Variants in ITPR2 observed in about 807,000 individuals in gnomAD.
ITPR2 encodes inositol 1,4,5-trisphosphate receptor type 2.
ITPR2 carries 207 observed loss-of-function variants against 317.1 expected under a neutral mutation model. The observed-to-expected ratio is 0.65, with a 90% CI of 0.58 to 0.73. The LOEUF (loss-of-function observed/expected upper bound fraction) is 0.73, where lower values mean the gene tolerates loss of function less well. Ranked by LOEUF, ITPR2 falls within the 30% of genes least tolerant of loss-of-function variation. The pLI is 0.00. For missense variants in ITPR2, 2,613 were observed against 3,284.0 expected, an observed-to-expected ratio of 0.80 and a Z score of 4.99; for synonymous variants, 1,156 against 1,149.1, an observed-to-expected ratio of 1.01 and a Z score of -0.12.
intron 31 of ITPR2, 72 bp from the exon 32 acceptor site, chr12:26,595,662 G>A: frequency 8.1e-7 from 1 of 1,231,702 alleles, no homozygotes. Context: ...ATTATGAAAG[G>A]TTAACATAAA....
At chr12:26,715,516 C>A in intron 7 of ITPR2, 71 bp from the exon 8 acceptor site, 5 of 1,360,494 alleles carry the variant, frequency 3.7e-6, no homozygotes, top group South Asian at 1.4e-5. Flanking sequence ...GGTTTTGCTA[C>A]TCTGGGCCCT....
At chr12:26,426,067 T>A (rs1197279922) in intron 49 of ITPR2, among the ~76,000 whole-genome samples, 1 of 152,216 alleles carries the variant, frequency 6.6e-6, no homozygotes, top group Non-Finnish European at 1.5e-5. Flanking sequence ...AGCTTCTGGA[T>A]GGCAAGAACC....
intron 37 of ITPR2, among the ~76,000 whole-genome samples, chr12:26,512,979 G>C (rs1006076808): frequency 6.6e-6 from 1 of 151,818 alleles, no homozygotes; most frequent in East Asian, 1.9e-4. Context: ...CCACCAACTC[G>C]AGTAGCTGGG....
chr12:26,357,319 A>G (rs995769615), intron 55 of ITPR2, among the ~76,000 whole-genome samples: 1 of 152,164 alleles, frequency 6.6e-6, no homozygotes, highest in East Asian at 1.9e-4. Flanking sequence ...TATGTAATGA[A>G]GCCCTAAAAA....
chr12:26,723,661 G>A (rs1276866692), intron 4 of ITPR2, among the ~76,000 whole-genome samples: 1 of 152,144 alleles, frequency 6.6e-6, no homozygotes, highest in Non-Finnish European at 1.5e-5. Flanking sequence ...TGACTGCCCT[G>A]TGTTCTGGCA....
chr12:26,661,683 C>T (rs1277642786), intron 15 of ITPR2, among the ~76,000 whole-genome samples: 1 of 152,106 alleles, frequency 6.6e-6, no homozygotes, highest in African/African-American at 2.4e-5. Flanking sequence ...CAGCACTGCT[C>T]GTACGGGTGA....
rs987978280 is a variant in ITPR2 at position 26,450,628 on chromosome 12, A to G, written c.6343-6978T>C. Among the ~76,000 whole-genome samples the G allele has an allele frequency of 1.7e-4, 26 of 152,162 alleles. 1 individual carries two copies. The highest frequency in any genetic ancestry group is 1.2e-3 in the Admixed American group (19 of 15,278). ...CGGCAGGTGAATATTTGGTACTTAG[A>G]CCACTTTAGAAGAAGATCAGCTTCA... On this transcript the variant is annotated intron_variant, in intron 45 of 56. Coordinates refer to ENST00000381340, the MANE Select transcript of ITPR2 (RefSeq NM_002223.4).
intron 52 of ITPR2, among the ~76,000 whole-genome samples, chr12:26,407,650 G>A (rs912786591): frequency 1.3e-5 from 2 of 152,186 alleles, no homozygotes; most frequent in African/African-American, 2.4e-5. Context: ...GGTTAGGGAA[G>A]AAATAATTTA....
intron 55 of ITPR2, among the ~76,000 whole-genome samples, chr12:26,381,835 C>T (rs1368228768): frequency 6.6e-6 from 1 of 152,202 alleles, no homozygotes; most frequent in Non-Finnish European, 1.5e-5. Context: ...CAGCAGCTCT[C>T]CAGACACGCA....
chr12:26,733,541 A>G (rs1452257713), intron 2 of ITPR2, among the ~76,000 whole-genome samples: 1 of 152,166 alleles, frequency 6.6e-6, no homozygotes, highest in Non-Finnish European at 1.5e-5. Context: ...ATATATAATT[A>G]AATGCTAAAA....
intron 38 of ITPR2, 141 bp from the exon 39 acceptor site, chr12:26,494,481 A>G: frequency 1.8e-6 from 1 of 564,732 alleles, no homozygotes; most frequent in South Asian, 3.4e-5. Context: ...ATATAATAGA[A>G]GCTTGAGGCT....
At chr12:26,807,502 A>G (rs1950659137) in intron 1 of ITPR2, among the ~76,000 whole-genome samples, 1 of 152,204 alleles carries the variant, frequency 6.6e-6, no homozygotes, top group African/African-American at 2.4e-5. Context: ...CAAAGCTGGA[A>G]CACAATGTCA....
At chr12:26,550,716 TTATAC>T (rs1200970819) in intron 36 of ITPR2, among the ~76,000 whole-genome samples, 3 of 151,828 alleles carry the variant, frequency 2.0e-5, no homozygotes, top group African/African-American at 7.2e-5. Context: ...TTTTATTATG[TTATAC>T]TATATTATTT....
intron 55 of ITPR2, among the ~76,000 whole-genome samples, chr12:26,377,053 C>A (rs536484478): frequency 6.6e-6 from 1 of 152,284 alleles, no homozygotes; most frequent in South Asian, 2.1e-4. Context: ...AATTTGTAAG[C>A]ACACAAGGCC....
At chr12:26,702,420 G>GTT (rs147003640) in intron 9 of ITPR2, among the ~76,000 whole-genome samples, 2 of 113,408 alleles carry the variant, frequency 1.8e-5, no homozygotes, top group African/African-American at 6.0e-5. Context: ...GGGGGTTGGT[G>GTT]TTTTTTTTTT....
At chr12:26,360,215 T>C in intron 55 of ITPR2, among the ~76,000 whole-genome samples, 1 of 152,236 alleles carries the variant, frequency 6.6e-6, no homozygotes, top group East Asian at 1.9e-4. Flanking sequence ...CCAGCGTATC[T>C]GTAGCCCTTC....
chr12:26,519,275 G>A (rs943029205), intron 37 of ITPR2, among the ~76,000 whole-genome samples: 2 of 152,076 alleles, frequency 1.3e-5, no homozygotes, highest in South Asian at 2.1e-4. Context: ...CACGTGTGTG[G>A]GTGTGTTTGT....
intron 26 of ITPR2, among the ~76,000 whole-genome samples, chr12:26,606,775 TAAA>T (rs57676343): frequency 6.7e-6 from 1 of 149,504 alleles, no homozygotes; most frequent in Non-Finnish European, 1.5e-5. Flanking sequence ...CTATAAAAAA[TAAA>T]AAAAAAATTA....
At chr12:26,620,239 G>A (rs1025697924) in intron 26 of ITPR2, among the ~76,000 whole-genome samples, 1 of 152,258 alleles carries the variant, frequency 6.6e-6, no homozygotes, top group Non-Finnish European at 1.5e-5. Flanking sequence ...GGAAATCCCA[G>A]TAGACGTCAG....
Sources: gnomAD v4.1 joint callset for allele counts (sites outside exome capture counted in the v4.1 genomes callset) on GRCh38, gnomAD v4.1.1 for gene constraint, MANE v1.5 for transcripts, NCBI Gene and HGNC (gene_info 2026-07-23, HGNC 2026-07-21) for gene names.